Variants in TRPV4 observed in about 807,000 individuals in gnomAD.
The protein encoded by TRPV4 is transient receptor potential cation channel subfamily V member 4.
A neutral mutation model predicts 84.1 loss-of-function variants in TRPV4; 58 were observed. The ratio of observed to expected loss-of-function variants is 0.69; its 90% CI spans 0.56 to 0.86. The LOEUF is 0.86. Ranked by LOEUF, TRPV4 falls within the 40% of genes least tolerant of loss-of-function variation. The probability of loss-of-function intolerance (pLI) is 0.00; values close to 1 mark genes in which losing one functional copy is unlikely to be tolerated. For synonymous variants in TRPV4, 489 were observed against 500.9 expected (o/e 0.98, Z 0.32); for missense variants, 879 against 1,181.1 (o/e 0.74, Z 3.75).
rs139232208 is a variant in TRPV4, at chr12:109,799,142, A to G, written c.854-230T>C. Among the ~76,000 whole-genome samples, 1,091 of 151,970 alleles carry G rather than the reference A, an allele frequency of 7.2e-3. 2 individuals are homozygous for G. Among genetic ancestry groups the G allele is most frequent in the Non-Finnish European group, 0.01 (686 of 67,978 alleles). On this transcript the variant is annotated intron_variant, in intron 5 of 15. Transcript: ENST00000261740. Reference sequence around the variant, plus strand: ...GGCTGTGAGGGACTGGACACATCCAATGATGGAATTCTTTTTTTTTTTTTT... The same window carrying G: ...GGCTGTGAGGGACTGGACACATCCAGTGATGGAATTCTTTTTTTTTTTTTT...
chr12:109,821,278 C>G (rs1371018306), intron 1 of TRPV4, among the ~76,000 whole-genome samples: 3 of 152,210 alleles, frequency 2.0e-5, no homozygotes, highest in Admixed American at 1.3e-4. Context: ...ACAGGGGAGA[C>G]ATAAAAGTGT....
At position 109,815,935 on chromosome 12, in the gene TRPV4, C is replaced by G. The variant is rs915432293; in HGVS notation, c.-31-1108G>C. On this transcript the variant is annotated intron_variant, in intron 1 of 15. Transcript: ENST00000261740. The surrounding 1 kb of genome is among the most constrained non-coding windows in gnomAD (Gnocchi z 4.1). ...GAGCCAGGGCAAGGGAGGGGCAAGG[C>G]CCCACTGGTTGGCTGTCAGTGCCCT... Among the ~76,000 whole-genome samples the G allele has an allele frequency of 1.3e-5, 2 of 152,222 alleles. No homozygotes were observed. Among genetic ancestry groups the G allele is most frequent in the African/African-American group, 4.8e-5 (2 of 41,462 alleles).
chr12:109,783,627 C>A lies in TRPV4; in HGVS notation c.2610G>T (p.Pro870=). ...TGGGGCTGGGCTGCAGTCCCTAGAGCGGGGCGTCATCAGTCCTCCACTTGC... is the reference window on the plus strand; with the variant it reads ...TGGGGCTGGGCTGCAGTCCCTAGAGAGGGGCGTCATCAGTCCTCCACTTGC... ...YPRKWRTDDA[P]L is the part of the protein sequence containing the mutation. Residue 870 remains proline (P), a synonymous_variant, in exon 16 of 16, where the codon CCG becomes CCT. Transcript: ENST00000261740. The surrounding 1 kb of genome is among the most constrained non-coding windows in gnomAD (Gnocchi z 4.6). 1 of 1,613,158 alleles carries A rather than the reference C, an allele frequency of 6.2e-7. No homozygotes were observed. The highest frequency in any genetic ancestry group is 8.5e-7 in the Non-Finnish European group (1 of 1,179,610).
Position 109,784,566 on chromosome 12 carries a change from A to G in TRPV4, c.2337-129T>C, listed in dbSNP as rs376146045. On this transcript the variant is annotated intron_variant, in intron 14 of 15. Transcript: ENST00000261740. Reference sequence around the variant, plus strand: ...ATAACAAGGCTGGGCGTGGTGGCTCATGCCTGCAATCCCAGCACTTTGGGA... The same window carrying G: ...ATAACAAGGCTGGGCGTGGTGGCTCGTGCCTGCAATCCCAGCACTTTGGGA... The G allele has an allele frequency of 2.2e-5, 31 of 1,394,214 alleles. 1 individual carries two copies. The South Asian group carries it at 3.4e-4, about 15-fold the overall frequency. The allele number at this position is 1,394,214 out of a possible 1,614,324, so 86.4% of individuals were successfully genotyped here.
rs1415066165 is a variant in TRPV4 at position 109,786,190 on chromosome 12, C to A, written c.2336+520G>T. On this transcript the variant is annotated intron_variant, in intron 14 of 15. Transcript: ENST00000261740. The surrounding 1 kb of genome is among the most constrained non-coding windows in gnomAD (Gnocchi z 4.5). The stretch of plus-strand genomic sequence containing the variant: ...AAGAAAAGATTCATGAAGGGGTTCC[C>A]CTAAGAAGCTGGCACTCCCTGTGCC... Among the ~76,000 whole-genome samples, 1 of 152,186 alleles carries A rather than the reference C, an allele frequency of 6.6e-6. No homozygotes were observed. Among genetic ancestry groups the A allele is most frequent in the Non-Finnish European group, 1.5e-5 (1 of 68,034 alleles).
In TRPV4 at chr12:109,804,603, G is replaced by A. The variant is rs564587834; in HGVS notation, c.560-1460C>T. 3.9e-5 allele frequency among the ~76,000 whole-genome samples: 6 copies of A among 152,312 alleles called. No individual in the cohort carries two copies. In the South Asian group the frequency reaches 8.3e-4, roughly 21 times the overall value. On this transcript the variant is annotated intron_variant, in intron 3 of 15. Transcript: ENST00000261740. ...TAGGAACCGTCTCCCTAAATGCCGG[G>A]AATCAGTGGGGCAGACTCAAGAGAC...
chr12:109,792,922 C>A, intron 10 of TRPV4, 105 bp from the exon 11 acceptor site: 1 of 1,172,882 alleles, frequency 8.5e-7, no homozygotes, highest in South Asian at 1.3e-5. Context: ...CAGGACTTCC[C>A]AATGCCTTCT....
chr12:109,803,566 T>C (rs1346980866), intron 3 of TRPV4, among the ~76,000 whole-genome samples: 5 of 152,094 alleles, frequency 3.3e-5, no homozygotes, highest in Admixed American at 3.3e-4. Context: ...TCCTCCCACC[T>C]CAGCCTCCCA....
At chr12:109,823,788 T>C (rs1429446640) in intron 1 of TRPV4, among the ~76,000 whole-genome samples, 1 of 152,168 alleles carries the variant, frequency 6.6e-6, no homozygotes, top group Non-Finnish European at 1.5e-5. Flanking sequence ...TTTAAAAGAC[T>C]GAGTTATGAG....
chr12:109,791,189 C>T (rs1890005038), intron 12 of TRPV4, among the ~76,000 whole-genome samples: 1 of 152,060 alleles, frequency 6.6e-6, no homozygotes, highest in African/African-American at 2.4e-5. Context: ...TCGAGACCAG[C>T]CTGGCCAACA....
chr12:109,792,218 G>A lies in TRPV4; in HGVS notation c.1891+145C>T, dbSNP rs188474549. The A allele has an allele frequency of 4.9e-3, 3,445 of 710,014 alleles. 19 individuals carry two copies. Among genetic ancestry groups the A allele is most frequent in the Non-Finnish European group, 5.3e-3 (2,263 of 428,182 alleles). 44.0% of individuals were successfully genotyped at this position (710,014 alleles called of 1,614,324 possible). ...AGATTGTGCCATTGCACTCCAGCCCGGGCAACAGGAGCAAAACTCCACCTC... is the reference window on the plus strand; with the variant it reads ...AGATTGTGCCATTGCACTCCAGCCCAGGCAACAGGAGCAAAACTCCACCTC... On this transcript the variant is annotated intron_variant, in intron 12 of 15. Transcript: ENST00000261740.
rs1444386707 is a variant in TRPV4, at chr12:109,783,514, G to A, written c.*107C>T. ...TCCCTGGCACCTCCACTGGTCCCTC[G>A]CCTCTGGGGCCAAAGCAGGGTGTGG... On this transcript the variant is annotated 3_prime_UTR_variant, in exon 16 of 16. Coordinates refer to ENST00000261740, the MANE Select transcript of TRPV4 (RefSeq NM_021625.5). This position sits in a 1 kb window ranked among gnomAD's most constrained non-coding sequence, Gnocchi z 4.6. 28 of 1,455,474 alleles carry A rather than the reference G, an allele frequency of 1.9e-5. No homozygotes were observed. Among genetic ancestry groups the A allele is most frequent in the Non-Finnish European group, 2.5e-5 (27 of 1,082,590 alleles). 90.2% of individuals were successfully genotyped at this position (1,455,474 alleles called of 1,614,324 possible).
chr12:109,788,279 G>T, intron 13 of TRPV4, 121 bp downstream of exon 13: 1 of 959,212 alleles, frequency 1.0e-6, no homozygotes, highest in Non-Finnish European at 1.6e-6. Context: ...ACAGAGAAGT[G>T]GAGGGAGAAT....
intron 1 of TRPV4, among the ~76,000 whole-genome samples, chr12:109,824,127 G>A (rs1345689599): frequency 6.6e-6 from 1 of 152,074 alleles, no homozygotes; most frequent in African/African-American, 2.4e-5. Flanking sequence ...CGCTGCGCCA[G>A]CTAATTTTTG....
chr12:109,792,541 G>A (rs374966076), intron 11 of TRPV4, 111 bp downstream of exon 11: 2 of 1,571,672 alleles, frequency 1.3e-6, no homozygotes, highest in South Asian at 2.2e-5. Flanking sequence ...CATGCCTCCT[G>A]CCCCCACGGT....
intron 8 of TRPV4, 57 bp from the exon 9 acceptor site, chr12:109,794,079 CAAT>C (rs1339869023): frequency 4.2e-6 from 6 of 1,415,954 alleles, no homozygotes; most frequent in Non-Finnish European, 5.9e-6. Context: ...ATCTGGCCCC[CAAT>C]CCAGATGTTC....
At position 109,784,350 on chromosome 12, in the gene TRPV4, A is replaced by G. The variant is rs1889545663; in HGVS notation, c.2424T>C (p.Tyr808=). 1.2e-6 allele frequency: 2 copies of G among 1,614,024 alleles called. No individual in the cohort carries two copies. The highest frequency in any genetic ancestry group is 1.6e-4 in the Middle Eastern group (1 of 6,084). ...GGCGGCCCACGGTATGCGAGAAGCC[A>G]TAATACTGGTAGGTCTCATTCTTGC... The part of the protein sequence containing the change: ...DPGKNETYQY[Y]GFSHTVGRLR... The change falls in exon 15 of 16, where the codon TAT becomes TAC. Residue 808 remains tyrosine, a synonymous_variant. Transcript: ENST00000261740.
chr12:109,818,258 C>T (rs574972373), intron 1 of TRPV4, among the ~76,000 whole-genome samples: 1 of 152,180 alleles, frequency 6.6e-6, no homozygotes, highest in East Asian at 1.9e-4. Flanking sequence ...GCCACCTCAC[C>T]AGGCCTGCAC....
intron 1 of TRPV4, among the ~76,000 whole-genome samples, chr12:109,828,555 C>T (rs1892329870): frequency 6.6e-6 from 1 of 152,202 alleles, no homozygotes; most frequent in Non-Finnish European, 1.5e-5. Context: ...GTTGGCAGAG[C>T]TCTGACCTCA....
Sources: gnomAD v4.1 joint callset for allele counts (sites outside exome capture counted in the v4.1 genomes callset) on GRCh38, gnomAD v4.1.1 for gene constraint, Gnocchi (gnomAD v3.1) non-coding constraint, MANE v1.5 for transcripts, NCBI Gene and HGNC (gene_info 2026-07-23, HGNC 2026-07-21) for gene names.